Variants in HPS3 observed in about 807,000 individuals in gnomAD.
HPS3 encodes HPS3 biogenesis of lysosomal organelles complex 2 subunit 1, also known as BLOC-2 complex member HPS3.
HPS3 carries 79 observed loss-of-function variants against 110.9 expected under a neutral mutation model. That is an observed-to-expected ratio of 0.71 (90% CI 0.59 to 0.86). The LOEUF is 0.86. Ranked by LOEUF, HPS3 falls within the 40% of genes least tolerant of loss-of-function variation. The pLI, the probability that HPS3 is intolerant of heterozygous loss-of-function variation, is 0.00. For missense variants in HPS3, 1,197 were observed against 1,206.2 expected (o/e 0.99, Z 0.11); for synonymous variants, 428 against 451.0 (o/e 0.95, Z 0.65).
intron 16 of HPS3, 141 bp from the exon 17 acceptor site, chr3:149,171,954 C>T: frequency 1.2e-5 from 8 of 655,898 alleles, no homozygotes; most frequent in Middle Eastern, 4.5e-4. Flanking sequence ...ATCTGCCCAC[C>T]TCGGCCTCCC....
intron 5 of HPS3, 102 bp downstream of exon 5, chr3:149,145,648 T>TA (rs1722745852): frequency 6.8e-6 from 6 of 887,842 alleles, no homozygotes; most frequent in Non-Finnish European, 1.1e-5. Context: ...CATAGAGTAC[T>TA]ATAAATGCAT....
Position 149,155,150 on chromosome 3 carries a change from G to C in HPS3, c.1444G>C (p.Ala482Pro), listed in dbSNP as rs1723366326. 1 of 1,610,838 alleles carries C rather than the reference G, an allele frequency of 6.2e-7. No individual in the cohort carries two copies. The highest frequency in any genetic ancestry group is 8.5e-7 in the Non-Finnish European group (1 of 1,177,090). The change falls in exon 8 of 17, where the codon GCT (alanine) becomes CCT (proline). Residue 482 changes from alanine to proline, a missense_variant. By Grantham distance (27) the Ala-to-Pro change is conservative. Coordinates refer to ENST00000296051, the MANE Select transcript of HPS3 (RefSeq NM_032383.5). Reference protein sequence around the residue: ...TSVKIKIPPVAEAGWNLYIVN... With the variant: ...TSVKIKIPPVPEAGWNLYIVN... The stretch of plus-strand genomic sequence containing the variant: ...TGTTAAAATCAAAATACCTCCTGTA[G>C]CTGAGGCTGGGTGGAATTTGTATAT...
At position 149,141,659 on chromosome 3, in the gene HPS3, G is replaced by A. The variant is rs111330254; in HGVS notation, c.970+279G>A. Among the ~76,000 whole-genome samples the A allele has an allele frequency of 0.041, 6,055 of 147,746 alleles. 148 individuals carry two copies. The highest frequency in any genetic ancestry group is 0.072 in the African/African-American group (2,890 of 39,934). On this transcript the variant is annotated intron_variant, in intron 4 of 16. Coordinates refer to ENST00000296051, the MANE Select transcript of HPS3 (RefSeq NM_032383.5). ...AGTGATTCTCCTGCCTCAGCCTCCC[G>A]AGTAGCTGGGACTACAGGCGCCCGC...
chr3:149,162,392 G>A (rs1359199464), intron 12 of HPS3, 59 bp downstream of exon 12: 2 of 1,457,122 alleles, frequency 1.4e-6, no homozygotes, highest in African/African-American at 1.4e-5. Flanking sequence ...GTGGTGGGGA[G>A]GGACAGAATA....
chr3:149,153,424 G>T, intron 6 of HPS3, 70 bp from the exon 7 acceptor site: 1 of 1,313,238 alleles, frequency 7.6e-7, no homozygotes, highest in South Asian at 1.2e-5. Context: ...CAAATAAACT[G>T]ACTGATTTTT....
chr3:149,165,925 G>A (rs1454318652), intron 14 of HPS3: 1 of 433,180 alleles, frequency 2.3e-6, no homozygotes, highest in Non-Finnish European at 4.6e-6. Context: ...TATTAAACTT[G>A]CAGGAAGAAA....
intron 5 of HPS3, among the ~76,000 whole-genome samples, chr3:149,148,888 G>A (rs12487869): frequency 0.27 from 41,015 of 150,826 alleles, 6,181 homozygotes; most frequent in African/African-American, 0.42. Context: ...TTCTGCTTAG[G>A]ATTCCAACAG....
intron 4 of HPS3, among the ~76,000 whole-genome samples, chr3:149,141,944 G>A (rs567270974): frequency 6.6e-6 from 1 of 151,700 alleles, no homozygotes; most frequent in East Asian, 1.9e-4. Flanking sequence ...TCCACCTCCC[G>A]GGTTCAAGTG....
intron 16 of HPS3, among the ~76,000 whole-genome samples, chr3:149,168,995 A>T (rs1232827440): frequency 2.6e-5 from 4 of 151,778 alleles, no homozygotes; most frequent in Non-Finnish European, 4.4e-5. Flanking sequence ...ATTCCTCCAA[A>T]TGTTGCATTT....
chr3:149,160,006 C>T (rs370859569), intron 10 of HPS3, 40 bp from the exon 11 acceptor site: 6 of 1,458,106 alleles, frequency 4.1e-6, no homozygotes, highest in Non-Finnish European at 5.8e-6. Flanking sequence ...TTCTGGCTGA[C>T]TGACCTTTTA....
intron 1 of HPS3, among the ~76,000 whole-genome samples, chr3:149,137,919 AC>A (rs1722211018): frequency 6.6e-6 from 1 of 152,188 alleles, no homozygotes; most frequent in South Asian, 2.1e-4. Context: ...ATGAGAAGAT[AC>A]CAGTGCCACT....
chr3:149,130,076 G>C (rs1464771618), intron 1 of HPS3, 136 bp downstream of exon 1: 6 of 807,954 alleles, frequency 7.4e-6, no homozygotes, highest in African/African-American at 1.7e-5. Flanking sequence ...TGGTCTCCCT[G>C]GGTCTGGCCG....
At chr3:149,164,211 C>T (rs1559924781) in intron 14 of HPS3, among the ~76,000 whole-genome samples, 1 of 152,154 alleles carries the variant, frequency 6.6e-6, no homozygotes, top group Non-Finnish European at 1.5e-5. Flanking sequence ...CTGATTTCCT[C>T]ATTTTCAGGA....
At chr3:149,145,091 A>G (rs1298646783) in intron 4 of HPS3, among the ~76,000 whole-genome samples, 2 of 152,256 alleles carry the variant, frequency 1.3e-5, no homozygotes, top group South Asian at 4.1e-4. Context: ...GAGCTCTGCC[A>G]GTGGACTCTT....
intron 16 of HPS3, among the ~76,000 whole-genome samples, chr3:149,168,906 CATT>C (rs147336709): frequency 0.017 from 2,585 of 152,280 alleles, 36 homozygotes; most frequent in Middle Eastern, 0.054. Flanking sequence ...TCAGCATCAT[CATT>C]ATCTTAATCA....
At position 149,155,193 on chromosome 3, in the gene HPS3, C is replaced by T. The variant is rs764792492; in HGVS notation, c.1487C>T (p.Pro496Leu). Reference sequence around the variant, plus strand: ...TTGTATATTGTGAATACGATCTCACCAGTGCAGCTGTACAAAGAGATGGTA... The same window carrying T: ...TTGTATATTGTGAATACGATCTCACTAGTGCAGCTGTACAAAGAGATGGTA... Reference protein sequence around the residue: ...WNLYIVNTISPVQLYKEMVDY... With the variant: ...WNLYIVNTISLVQLYKEMVDY... Residue 496 changes from proline to leucine, a missense_variant, in exon 8 of 17, where the codon CCA (proline) becomes CTA (leucine). Coordinates refer to ENST00000296051, the MANE Select transcript of HPS3 (RefSeq NM_032383.5). 1.3e-6 allele frequency: 2 copies of T among 1,572,838 alleles called. No homozygotes were observed. The highest frequency in any genetic ancestry group is 3.3e-5 in the Admixed American group (2 of 59,982).
chr3:149,162,493 T>A, intron 12 of HPS3, 160 bp downstream of exon 12: 1 of 898,062 alleles, frequency 1.1e-6, no homozygotes, highest in Non-Finnish European at 1.8e-6. Flanking sequence ...AAAGACTATA[T>A]CTGTAGAAAC....
rs140573513 is a variant in HPS3 at position 149,148,949 on chromosome 3, CTTTTTT to C, written c.1164-1633_1164-1628del. Among the ~76,000 whole-genome samples, 308 of 102,474 alleles carry C rather than the reference CTTTTTT, an allele frequency of 3.0e-3. 3 individuals carry two copies. The highest frequency in any genetic ancestry group is 9.3e-3 in the African/African-American group (251 of 26,964). The allele number at this position is 102,474 out of a possible 152,430, so 67.2% of individuals were successfully genotyped here. On this transcript the variant is annotated intron_variant, in intron 5 of 16. Coordinates refer to ENST00000296051, the MANE Select transcript of HPS3 (RefSeq NM_032383.5). ...GTGGAGGTAAGTCAGGGAACCCTGC[CTTTTTT>C]TTTTTTTTTTTTTTTTGAGACAGAA...
At chr3:149,153,969 A>C (rs1390826480) in intron 7 of HPS3, 23 of 306,994 alleles carry the variant, frequency 7.5e-5, no homozygotes, top group Non-Finnish European at 9.1e-5. Context: ...AAACTACAGG[A>C]CTTTTTACTG....
Sources: gnomAD v4.1 joint callset for allele counts (sites outside exome capture counted in the v4.1 genomes callset) on GRCh38, gnomAD v4.1.1 for gene constraint, MANE v1.5 for transcripts, NCBI Gene and HGNC (gene_info 2026-07-23, HGNC 2026-07-21) for gene names.